BCR: variants seen among roughly 807,000 people sequenced by gnomAD.
BCR encodes breakpoint cluster region protein.
In BCR, 58 loss-of-function variants were observed where a neutral mutation model predicts 138.6. The observed-to-expected ratio is 0.42, with a 90% confidence interval of 0.34 to 0.52. The LOEUF is 0.52. Ranked by LOEUF, BCR falls within the 20% of genes least tolerant of loss-of-function variation. The pLI, the probability that BCR is intolerant of heterozygous loss-of-function variation, is 0.06. For missense variants in BCR, 1,599 were observed against 1,727.2 expected (o/e 0.93, Z 1.32); for synonymous variants, 786 against 730.1 (o/e 1.08, Z -1.23).
chr22:23,304,197 C>T (rs1271793862), intron 16 of BCR, among the ~76,000 whole-genome samples: 1 of 149,602 alleles, frequency 6.7e-6, no homozygotes, highest in Non-Finnish European at 1.5e-5. Flanking sequence ...GCCTTGGCCT[C>T]CCAAAGTGCT....
intron 1 of BCR, among the ~76,000 whole-genome samples, chr22:23,189,770 G>A (rs1793016640): frequency 6.6e-6 from 1 of 152,150 alleles, no homozygotes; most frequent in African/African-American, 2.4e-5. Flanking sequence ...AAAGTGCTGG[G>A]ATTATAGGCA....
At chr22:23,246,839 C>T (rs551944925) in intron 1 of BCR, among the ~76,000 whole-genome samples, 12 of 152,118 alleles carry the variant, frequency 7.9e-5, no homozygotes, top group South Asian at 2.1e-4. Context: ...TGAAGCACTA[C>T]GGGTATTCCC....
intron 1 of BCR, among the ~76,000 whole-genome samples, chr22:23,236,591 A>C (rs1032323388): frequency 1.3e-5 from 2 of 152,238 alleles, no homozygotes; most frequent in Non-Finnish European, 2.9e-5. Context: ...TAATACAGGG[A>C]GGAGTCATGT....
At chr22:23,270,182 G>T (rs532585249) in intron 5 of BCR, among the ~76,000 whole-genome samples, 2 of 152,252 alleles carry the variant, frequency 1.3e-5, no homozygotes, top group South Asian at 4.1e-4. Context: ...GTGGGAGTTC[G>T]AAGATCACCC....
chr22:23,309,493 C>A lies in BCR; in HGVS notation c.3072+10C>A, dbSNP rs529842675. On this transcript the variant is annotated intron_variant, in intron 17 of 22. Transcript: ENST00000305877. ...CATCGCCATGAATGGGGTACGTGTC[C>A]GTGGGACTCTCCTGGTGCCCACTTC... is the stretch of plus-strand genomic sequence containing the variant. The A allele has an allele frequency of 1.3e-6, 2 of 1,589,194 alleles. No homozygotes were observed. Among genetic ancestry groups the A allele is most frequent in the Admixed American group, 3.5e-5 (2 of 57,240 alleles).
intron 4 of BCR, among the ~76,000 whole-genome samples, chr22:23,267,489 A>G (rs1318601583): frequency 2.0e-5 from 3 of 152,240 alleles, no homozygotes; most frequent in Non-Finnish European, 4.4e-5. Flanking sequence ...ATAAAATTCA[A>G]TATAAATGCA....
intron 8 of BCR, among the ~76,000 whole-genome samples, chr22:23,275,800 T>G (rs1270026243): frequency 6.6e-6 from 1 of 152,202 alleles, no homozygotes; most frequent in Non-Finnish European, 1.5e-5. Context: ...TTCTACCGAC[T>G]ATTCTTTTAT....
intron 1 of BCR, among the ~76,000 whole-genome samples, chr22:23,237,039 A>G (rs1402797976): frequency 6.6e-6 from 1 of 152,166 alleles, no homozygotes; most frequent in African/African-American, 2.4e-5. Context: ...TACCTCTGAG[A>G]GCCTTTCCGG....
At chr22:23,264,044 C>A in intron 4 of BCR, 1 of 1,007,874 alleles carries the variant, frequency 9.9e-7, no homozygotes, top group Non-Finnish European at 1.6e-6. Context: ...TCGCACTGCT[C>A]TCCTGTGGCT....
chr22:23,229,114 C>G (rs2072924462), intron 1 of BCR, among the ~76,000 whole-genome samples: 1 of 152,158 alleles, frequency 6.6e-6, no homozygotes, highest in Admixed American at 6.5e-5. Context: ...TCTTTAAGTT[C>G]ACTGACTCCA....
intron 14 of BCR, among the ~76,000 whole-genome samples, chr22:23,291,438 C>T (rs1357041824): frequency 6.6e-6 from 1 of 152,048 alleles, no homozygotes; most frequent in Non-Finnish European, 1.5e-5. Context: ...ACATGACATG[C>T]AGATTGCACC....
At position 23,181,275 on chromosome 22, in the gene BCR, C is replaced by G; in HGVS notation, c.315C>G (p.Ala105=). 7.8e-7 allele frequency: 1 copy of G among 1,290,146 alleles called. No homozygotes were observed. The highest frequency in any genetic ancestry group is 9.9e-7 in the Non-Finnish European group (1 of 1,012,680). 79.9% of individuals were successfully genotyped at this position (1,290,146 alleles called of 1,614,324 possible). A position where few individuals can be genotyped will look rare whatever the true frequency, so the allele number is the denominator to read the frequency against. Reference sequence around the variant, plus strand: ...CGCAGCCAGCGCCCGCCGACGGAGCCGACCCGCCGCCCGCCGAGGAGCCCG... The same window carrying G: ...CGCAGCCAGCGCCCGCCGACGGAGCGGACCCGCCGCCCGCCGAGGAGCCCG... ...SRPQPAPADG[A]DPPPAEEPEA... The change falls in exon 1 of 23, where the codon GCC becomes GCG. Residue 105 remains alanine, a synonymous_variant. Coordinates refer to ENST00000305877, the MANE Select transcript of BCR (RefSeq NM_004327.4).
intron 1 of BCR, among the ~76,000 whole-genome samples, chr22:23,205,157 GAGC>G (rs2072596679): frequency 6.6e-6 from 1 of 152,192 alleles, no homozygotes; most frequent in Non-Finnish European, 1.5e-5. Context: ...AGTCTTTCCT[GAGC>G]ATTCTTAGTG....
At chr22:23,296,373 C>CAA (rs996139532) in intron 16 of BCR, among the ~76,000 whole-genome samples, 1,341 of 54,626 alleles carry the variant, frequency 0.025, 23 homozygotes, top group Non-Finnish European at 0.039. Flanking sequence ...GAGTCCGTCT[C>CAA]AAAAAAAAAA....
intron 14 of BCR, among the ~76,000 whole-genome samples, 160 bp from the exon 15 acceptor site, chr22:23,292,381 G>A (rs373527723): frequency 2.6e-5 from 4 of 152,214 alleles, no homozygotes; most frequent in Non-Finnish European, 5.9e-5. Context: ...TGGTGTTCAC[G>A]CCAGACCACA....
chr22:23,282,646 G>A (rs2073661427), intron 8 of BCR, among the ~76,000 whole-genome samples: 1 of 152,158 alleles, frequency 6.6e-6, no homozygotes, highest in South Asian at 2.1e-4. Flanking sequence ...CAAGGTGCCT[G>A]GTCTGGCCCC....
chr22:23,217,549 A>G (rs1011846359), intron 1 of BCR, among the ~76,000 whole-genome samples: 2 of 152,196 alleles, frequency 1.3e-5, no homozygotes, highest in African/African-American at 4.8e-5. Flanking sequence ...AGAGCTGACC[A>G]TACTTATGTA....
rs376154209 is a variant in BCR, at chr22:23,213,835, TAAAA to T, written c.1279+31608_1279+31611del. On this transcript the variant is annotated intron_variant, in intron 1 of 22. Coordinates refer to ENST00000305877, the MANE Select transcript of BCR (RefSeq NM_004327.4). ...GCAACAGAGCAAGACCCCTGTCTCTTAAAAAAAAAAAAAAAGAAGAAGAAGGAGG... is the reference window on the plus strand; with the variant it reads ...GCAACAGAGCAAGACCCCTGTCTCTTAAAAAAAAAAAGAAGAAGAAGGAGG... Among the ~76,000 whole-genome samples, 10 of 136,158 alleles carry T rather than the reference TAAAA, an allele frequency of 7.3e-5. No individual in the cohort carries two copies. In the South Asian group the frequency reaches 2.1e-3, roughly 29 times the overall value. 89.3% of individuals were successfully genotyped at this position (136,158 alleles called of 152,430 possible). A position where few individuals can be genotyped will look rare whatever the true frequency, so the allele number is the denominator to read the frequency against.
intron 16 of BCR, among the ~76,000 whole-genome samples, chr22:23,297,239 G>A (rs953528123): frequency 5.1e-5 from 5 of 98,326 alleles, no homozygotes; most frequent in Non-Finnish European, 9.8e-5. Flanking sequence ...TTTTTTTTTC[G>A]AGACAGAGTT....
Sources: gnomAD v4.1 joint callset for allele counts (sites outside exome capture counted in the v4.1 genomes callset) on GRCh38, gnomAD v4.1.1 for gene constraint, MANE v1.5 for transcripts, NCBI Gene and HGNC (gene_info 2026-07-23, HGNC 2026-07-21) for gene names.